The following ZNF30 variants were observed in gnomAD, a reference collection of about 807,000 sequenced individuals.
The protein encoded by ZNF30 is zinc finger protein 30 (KOX 28).
Under a neutral mutation model 13.2 loss-of-function variants are expected in ZNF30, and 15 were observed. The ratio of observed to expected loss-of-function variants is 1.13; its 90% CI spans 0.76 to 1.75. ZNF30 has a LOEUF of 1.75. ZNF30 is among the 40% of genes most tolerant of loss of function. ZNF30 has a pLI of 0.00. For synonymous variants in ZNF30, 223 were observed against 256.6 expected (o/e 0.87, Z 1.25); for missense variants, 726 against 757.0 (o/e 0.96, Z 0.48).
rs568266139 is a variant in ZNF30, at chr19:34,928,374, C to T, written c.-65+1158C>T. Among the ~76,000 whole-genome samples the T allele has an allele frequency of 4.6e-5, 7 of 151,456 alleles. 1 individual carries two copies. The highest frequency in any genetic ancestry group is 4.2e-4 in the South Asian group (2 of 4,802). ...TCCAATGCAGTAGTGCCCCCTTAAT[C>T]GGCAGTTTCACTTTCTTCACTTTGT... On this transcript the variant is annotated intron_variant, in intron 1 of 4. Transcript: ENST00000601142.
Position 34,943,507 on chromosome 19 carries a change from T to C in ZNF30, c.541T>C (p.Cys181Arg), listed in dbSNP as rs367651957. 2.9e-4 allele frequency: 461 copies of C among 1,613,484 alleles called. No homozygotes were observed. The highest frequency in any genetic ancestry group is 3.7e-4 in the Non-Finnish European group (440 of 1,179,760). ...TGAGAAACCCTATAAATATGAAAAA[T>C]GTGGGAAGGCCTTTATCAGTGGCTC... ...VGEKPYKYEK[C>R]GKAFISGSAF... Residue 181 changes from cysteine (C) to arginine (R), a missense_variant, in exon 5 of 5, where the codon TGT becomes CGT. Coordinates refer to ENST00000601142, the MANE Select transcript of ZNF30 (RefSeq NM_194325.3).
chr19:34,927,399 A>C (rs1236398207), intron 1 of ZNF30, 183 bp downstream of exon 1: 1 of 171,608 alleles, frequency 5.8e-6, no homozygotes, highest in Non-Finnish European at 1.2e-5. Flanking sequence ...TGATTTATGT[A>C]AAGGAGCAAA....
chr19:34,934,663 A>G (rs868834362), intron 4 of ZNF30, among the ~76,000 whole-genome samples: 1 of 152,230 alleles, frequency 6.6e-6, no homozygotes, highest in Non-Finnish European at 1.5e-5. Flanking sequence ...TAGGAAACAG[A>G]TACCAGAAAA....
At chr19:34,942,819 C>T (rs533346201) in intron 4 of ZNF30, 35 of 304,944 alleles carry the variant, frequency 1.1e-4, no homozygotes, top group African/African-American at 7.2e-4. Flanking sequence ...TTAATGTAAG[C>T]GCCACAAGAA....
rs757691266 is a variant in ZNF30, at chr19:34,944,212, G to T, written c.1246G>T (p.Val416Phe). The change falls in exon 5 of 5, where the codon GTT (valine) becomes TTT (phenylalanine). Residue 416 changes from valine (V) to phenylalanine (F), a missense_variant. Physicochemically the swap from Val to Phe is conservative, Grantham distance 50 (BLOSUM62 -1). Transcript: ENST00000601142. ...GGCCTTTAGTACTGGCTCATACCTT[G>T]TTCAGCATCAGAGGATCCATACTGG... is the stretch of plus-strand genomic sequence containing the variant. ...GKAFSTGSYL[V>F]QHQRIHTGEK... 1.9e-6 allele frequency: 3 copies of T among 1,613,810 alleles called. No individual in the cohort carries two copies. In the African/African-American group the frequency reaches 4.0e-5, roughly 22 times the overall value.
chr19:34,942,668 C>G (rs1250553167), intron 4 of ZNF30: 5 of 1,287,100 alleles, frequency 3.9e-6, no homozygotes, highest in Non-Finnish European at 5.1e-6. Context: ...CACATGGAAC[C>G]AAAAGGTGAG....
chr19:34,932,955 A>C (rs2012534265), intron 3 of ZNF30, among the ~76,000 whole-genome samples: 1 of 151,248 alleles, frequency 6.6e-6, no homozygotes, highest in Non-Finnish European at 1.5e-5. Context: ...TAATTTTTGT[A>C]TTTTTGATAG....
chr19:34,933,471 C>T, intron 3 of ZNF30, 157 bp from the exon 4 acceptor site: 1 of 509,382 alleles, frequency 2.0e-6, no homozygotes. Flanking sequence ...AAACCGTTCT[C>T]TACCTGTCTG....
At chr19:34,928,220 A>AAAAAAATATATATATAT (rs1555778254) in intron 1 of ZNF30, among the ~76,000 whole-genome samples, 1 of 73,414 alleles carries the variant, frequency 1.4e-5, no homozygotes, top group Non-Finnish European at 2.6e-5. Flanking sequence ...AAAAAAAAAA[A>AAAAAAATATATATATAT]ATATATATAT....
At chr19:34,931,039 CTTT>C (rs56153327) in intron 2 of ZNF30, among the ~76,000 whole-genome samples, 1 of 122,508 alleles carries the variant, frequency 8.2e-6, no homozygotes, top group African/African-American at 3.1e-5. Flanking sequence ...TTCTTTTTTT[CTTT>C]TTTTTTTTTT....
At chr19:34,925,841 G>A (rs1222785886), upstream of ZNF30, among the ~76,000 whole-genome samples, 1 of 151,592 alleles carries the variant, frequency 6.6e-6, no homozygotes, top group East Asian at 1.9e-4. Flanking sequence ...TCATCACCCT[G>A]GACTGACTCC....
At position 34,933,737 on chromosome 19, in the gene ZNF30, T is replaced by C. The variant is rs1351637303; in HGVS notation, c.256+14T>C. The C allele has an allele frequency of 6.5e-7, 1 of 1,547,060 alleles. No individual in the cohort carries two copies. The highest frequency in any genetic ancestry group is 1.2e-5 in the South Asian group (1 of 84,682). On this transcript the variant is annotated intron_variant, in intron 4 of 4. Transcript: ENST00000601142. Reference sequence around the variant, plus strand: ...GATGGTGCACAGGTGAGTAAGAGCATGGCAGGTAGGGAGGCCATTGTTGCT... The same window carrying C: ...GATGGTGCACAGGTGAGTAAGAGCACGGCAGGTAGGGAGGCCATTGTTGCT...
At chr19:34,926,898 G>C (rs1382012705), upstream of ZNF30, 3 of 398,050 alleles carry the variant, frequency 7.5e-6, no homozygotes, top group African/African-American at 6.2e-5. Context: ...GCGCCGGTGG[G>C]CGGCCTTGTG....
intron 4 of ZNF30, among the ~76,000 whole-genome samples, chr19:34,935,053 C>G (rs1323697284): frequency 6.6e-6 from 1 of 152,000 alleles, no homozygotes; most frequent in Non-Finnish European, 1.5e-5. Flanking sequence ...CATGGTAAAA[C>G]CCCGTCTCTA....
Position 34,943,840 on chromosome 19 carries a change from G to C in ZNF30, c.874G>C (p.Glu292Gln). ...HTSEKPYECKECGKAFSTSSP... is the reference protein window; with the variant it reads ...HTSEKPYECKQCGKAFSTSSP... ...CAGTGAAAAACCTTACGAATGCAAAGAATGTGGGAAGGCCTTTAGCACTAG... is the reference window on the plus strand; with the variant it reads ...CAGTGAAAAACCTTACGAATGCAAACAATGTGGGAAGGCCTTTAGCACTAG... The change falls in exon 5 of 5, where the codon GAA becomes CAA. Residue 292 changes from glutamate (E) to glutamine (Q), a missense_variant. Physicochemically the swap from Glu to Gln is conservative, Grantham distance 29. Coordinates refer to ENST00000601142, the MANE Select transcript of ZNF30 (RefSeq NM_194325.3). 1 of 1,613,634 alleles carries C rather than the reference G, an allele frequency of 6.2e-7. No individual in the cohort carries two copies. The highest frequency in any genetic ancestry group is 8.5e-7 in the Non-Finnish European group (1 of 1,179,898).
At position 34,944,974 on chromosome 19, in the gene ZNF30, C is replaced by T; in HGVS notation, c.*136C>T. 1 of 803,622 alleles carries T rather than the reference C, an allele frequency of 1.2e-6. No individual in the cohort carries two copies. Among genetic ancestry groups the T allele is most frequent in the Non-Finnish European group, 1.8e-6 (1 of 545,038 alleles). 49.8% of individuals were successfully genotyped at this position (803,622 alleles called of 1,614,324 possible). ...TCTCATCTTATAATTCATAATATAACTCAGAAAACATAAGAATATTCCTTT... is the reference window on the plus strand; with the variant it reads ...TCTCATCTTATAATTCATAATATAATTCAGAAAACATAAGAATATTCCTTT... On this transcript the variant is annotated 3_prime_UTR_variant, in exon 5 of 5. Coordinates refer to ENST00000601142, the MANE Select transcript of ZNF30 (RefSeq NM_194325.3).
Position 34,944,009 on chromosome 19 carries a change from A to G in ZNF30, c.1043A>G (p.Glu348Gly), listed in dbSNP as rs781073343. ...HTGEKPFECK[E>G]CGKAFRLSSF... Reference sequence around the variant, plus strand: ...GGTGAGAAACCTTTTGAATGTAAGGAATGTGGAAAGGCCTTTAGACTTAGT... The same window carrying G: ...GGTGAGAAACCTTTTGAATGTAAGGGATGTGGAAAGGCCTTTAGACTTAGT... Residue 348 changes from glutamate to glycine, a missense_variant, in exon 5 of 5, where the codon GAA (glutamate) becomes GGA (glycine). Glu to Gly is a moderately conservative substitution (Grantham distance 98). Coordinates refer to ENST00000601142, the MANE Select transcript of ZNF30 (RefSeq NM_194325.3). The G allele has an allele frequency of 2.5e-6, 4 of 1,614,168 alleles. No homozygotes were observed. The highest frequency in any genetic ancestry group is 3.3e-4 in the Middle Eastern group (2 of 6,062).
At position 34,944,202 on chromosome 19, in the gene ZNF30, C is replaced by T; in HGVS notation, c.1236C>T (p.Gly412=). The T allele has an allele frequency of 1.2e-6, 2 of 1,613,130 alleles. No individual in the cohort carries two copies. Among genetic ancestry groups the T allele is most frequent in the Non-Finnish European group, 1.7e-6 (2 of 1,179,272 alleles). Residue 412 remains glycine (G), a synonymous_variant, in exon 5 of 5, where the codon GGC becomes GGT. Coordinates refer to ENST00000601142, the MANE Select transcript of ZNF30 (RefSeq NM_194325.3). ...CKECGKAFST[G]SYLVQHQRIH... is the part of the protein sequence containing the mutation. ...AGTGTGGCAAGGCCTTTAGTACTGG[C>T]TCATACCTTGTTCAGCATCAGAGGA...
chr19:34,942,696 C>G, intron 4 of ZNF30: 1 of 1,229,754 alleles, frequency 8.1e-7, no homozygotes, highest in Non-Finnish European at 1.1e-6. Flanking sequence ...GTAAGAACGT[C>G]AAGGTGCTAA....
Sources: gnomAD v4.1 joint callset for allele counts (sites outside exome capture counted in the v4.1 genomes callset) on GRCh38, gnomAD v4.1.1 for gene constraint, MANE v1.5 for transcripts, NCBI Gene and HGNC (gene_info 2026-07-23, HGNC 2026-07-21) for gene names.